SZT2: variants seen among roughly 807,000 people sequenced by gnomAD.
SZT2 encodes SZT2 subunit of KICSTOR complex, also known as KICSTOR complex protein SZT2.
In SZT2, 216 loss-of-function variants were observed where a neutral mutation model predicts 404.2. The ratio of observed to expected loss-of-function variants is 0.53; its 90% CI spans 0.48 to 0.60. The LOEUF is 0.60. Among genes scored for constraint, SZT2 ranks in the 20% least tolerant of loss-of-function variants. SZT2 has a pLI of 0.00. For synonymous variants in SZT2, 1,693 were observed against 1,749.9 expected, an observed-to-expected ratio of 0.97 and a Z score of 0.81; for missense variants, 3,857 against 4,459.2, an observed-to-expected ratio of 0.86 and a Z score of 3.85.
chr1:43,399,673 G>C (rs1649441789), intron 1 of SZT2, among the ~76,000 whole-genome samples: 1 of 151,988 alleles, frequency 6.6e-6, no homozygotes. Context: ...GTGTTAGCCA[G>C]GGTGGTCTCG....
rs770264092 is a variant in SZT2 at position 43,447,637 on chromosome 1, C to T, written c.9379C>T (p.Arg3127Ter). 9 of 1,614,192 alleles carry T rather than the reference C, an allele frequency of 5.6e-6. No individual in the cohort carries two copies. Among genetic ancestry groups the T allele is most frequent in the East Asian group, 2.2e-5 (1 of 44,874 alleles). The change falls in exon 67 of 72, where the codon CGA (arginine) becomes TGA (stop). Residue 3127 changes from arginine to a stop codon, truncating the protein, a stop_gained. Transcript: ENST00000634258. LOFTEE classifies it high-confidence loss of function. ...HASSYHMKPL[R>*]MARPGGPEHN... ...CAGCTCTTACCACATGAAGCCATTG[C>T]GAATGGCCCGGCCAGGGGGCCCAGA...
intron 10 of SZT2, 84 bp from the exon 11 acceptor site, chr1:43,421,090 C>A: frequency 6.3e-7 from 1 of 1,595,364 alleles, no homozygotes; most frequent in Non-Finnish European, 8.5e-7. Flanking sequence ...AGGCTTATAT[C>A]CAGGGTCCCA....
At position 43,425,905 on chromosome 1, in the gene SZT2, G is replaced by A; in HGVS notation, c.2885G>A (p.Ser962Asn). 6.2e-7 allele frequency: 1 copy of A among 1,614,174 alleles called. No individual in the cohort carries two copies. Among genetic ancestry groups the A allele is most frequent in the Non-Finnish European group, 8.5e-7 (1 of 1,180,024 alleles). The change falls in exon 20 of 72, where the codon AGC becomes AAC. Residue 962 changes from serine (S) to asparagine (N), a missense_variant. Coordinates refer to ENST00000634258, the MANE Select transcript of SZT2 (RefSeq NM_001365999.1). This position sits in a 1 kb window ranked among gnomAD's most constrained non-coding sequence, Gnocchi z 4.3. Reference protein sequence around the residue: ...SFEYLIQLCQSKEWGPLPPEP... With the variant: ...SFEYLIQLCQNKEWGPLPPEP... ...GAATACCTGATACAGCTGTGTCAGA[G>A]CAAGGAATGGGGTCCTCTGCCCCCA...
At position 43,445,989 on chromosome 1, in the gene SZT2, C is replaced by G; in HGVS notation, c.8916+5C>G. ...AAGACTGATGGGAGCCCCAAGGTAA[C>G]TTGTCATATAATGGTAAAGTTACTG... On this transcript the variant is annotated splice_donor_5th_base_variant and intron_variant, in intron 63 of 71. Transcript: ENST00000634258. The G allele has an allele frequency of 2.5e-6, 4 of 1,613,894 alleles. No homozygotes were observed. Among genetic ancestry groups the G allele is most frequent in the Non-Finnish European group, 3.4e-6 (4 of 1,179,842 alleles).
chr1:43,438,938 C>A lies in SZT2; in HGVS notation c.6637C>A (p.Pro2213Thr). The A allele has an allele frequency of 6.2e-7, 1 of 1,614,192 alleles. No individual in the cohort carries two copies. Among genetic ancestry groups the A allele is most frequent in the Non-Finnish European group, 8.5e-7 (1 of 1,180,034 alleles). The change falls in exon 48 of 72, where the codon CCC (proline) becomes ACC (threonine). Residue 2213 changes from proline (P) to threonine (T), a missense_variant. Coordinates refer to ENST00000634258, the MANE Select transcript of SZT2 (RefSeq NM_001365999.1). ...LTPADVEFIQ[P>T]PGSLPSEVLH... ...TCTTCCCACTCTGCAGTTCATCCAG[C>A]CCCCTGGAAGTCTCCCCTCAGAGGT...
intron 1 of SZT2, 135 bp downstream of exon 1, chr1:43,390,130 G>T: frequency 2.8e-6 from 3 of 1,075,938 alleles, no homozygotes; most frequent in East Asian, 6.5e-5. Flanking sequence ...GCCCAGCCCG[G>T]AAGGCCCGAC....
chr1:43,453,977 A>G lies in SZT2; in HGVS notation c.*3497A>G, dbSNP rs1009236200. On this transcript the variant is annotated 3_prime_UTR_variant, in exon 72 of 72. Coordinates refer to ENST00000634258, the MANE Select transcript of SZT2 (RefSeq NM_001365999.1). ...TCACGAAAAGCGCCTACGGTTAGCG[A>G]GAGAGGGATCACGGGGAGAGGCGAA... The G allele has an allele frequency of 1.7e-6, 2 of 1,189,770 alleles. No individual in the cohort carries two copies. Among genetic ancestry groups the G allele is most frequent in the Non-Finnish European group, 2.1e-6 (2 of 961,218 alleles). 73.7% of individuals were successfully genotyped at this position (1,189,770 alleles called of 1,614,324 possible).
At chr1:43,444,389 G>A (rs145081294) in intron 62 of SZT2, among the ~76,000 whole-genome samples, 8 of 152,172 alleles carry the variant, frequency 5.3e-5, no homozygotes, top group Non-Finnish European at 1.0e-4. Context: ...GAGCCATCAC[G>A]CCCGGCCTGC....
chr1:43,423,394 GGT>G lies in SZT2; in HGVS notation c.2255+82_2255+83del, dbSNP rs927893857. On this transcript the variant is annotated intron_variant, in intron 15 of 71. Coordinates refer to ENST00000634258, the MANE Select transcript of SZT2 (RefSeq NM_001365999.1). Reference sequence around the variant, plus strand: ...AGGTGTGGAGGGCATGGCTTAGCCCGGTGTGAGTAGTATAGAGGTGTGGAGTG... The same window carrying G: ...AGGTGTGGAGGGCATGGCTTAGCCCGGTGAGTAGTATAGAGGTGTGGAGTG... The G allele has an allele frequency of 5.1e-6, 7 of 1,365,860 alleles. No individual in the cohort carries two copies. The African/African-American group carries it at 1.0e-4, about 20-fold the overall frequency. The allele number at this position is 1,365,860 out of a possible 1,614,324, so 84.6% of individuals were successfully genotyped here.
At position 43,390,442 on chromosome 1, in the gene SZT2, A is replaced by G. The variant is rs1011820164; in HGVS notation, c.27+447A>G. 3.5e-4 allele frequency among the ~76,000 whole-genome samples: 54 copies of G among 152,214 alleles called. 1 individual carries two copies. The highest frequency in any genetic ancestry group is 1.3e-3 in the African/African-American group (54 of 41,448). ...GAAAAGCAGCTTTAATTTCATGAAA[A>G]AAACATTTGAGTCGGACTGAGACCT... is the stretch of plus-strand genomic sequence containing the variant. On this transcript the variant is annotated intron_variant, in intron 1 of 71. Transcript: ENST00000634258.
chr1:43,417,195 C>T (rs538720018), intron 7 of SZT2, among the ~76,000 whole-genome samples: 10 of 152,282 alleles, frequency 6.6e-5, no homozygotes, highest in Admixed American at 5.9e-4. Flanking sequence ...AAAGGTCACT[C>T]TTGCTGCTGG....
Position 43,425,956 on chromosome 1 carries a change from G to A in SZT2, c.2929+7G>A, listed in dbSNP as rs1570647571. 2 of 1,613,700 alleles carry A rather than the reference G, an allele frequency of 1.2e-6. No homozygotes were observed. Among genetic ancestry groups the A allele is most frequent in the Non-Finnish European group, 1.7e-6 (2 of 1,179,622 alleles). ...GAGCCGAGGGTCTCTGATGGTGAGT[G>A]GGGCAGGCGGCCCACTGGTGGAGCA... On this transcript the variant is annotated splice_region_variant and intron_variant, in intron 20 of 71. Transcript: ENST00000634258. This position sits in a 1 kb window ranked among gnomAD's most constrained non-coding sequence, Gnocchi z 4.3.
intron 1 of SZT2, among the ~76,000 whole-genome samples, chr1:43,393,646 A>G (rs1648664282): frequency 2.0e-5 from 3 of 152,332 alleles, no homozygotes; most frequent in Admixed American, 2.0e-4. Context: ...TGTTAACAAA[A>G]GACAGCACAA....
At chr1:43,406,503 G>A (rs181488842) in intron 4 of SZT2, 1 of 161,134 alleles carries the variant, frequency 6.2e-6, no homozygotes, top group South Asian at 1.4e-4. Context: ...CAAATACATG[G>A]TACTATGAAC....
Position 43,447,837 on chromosome 1 carries a change from C to T in SZT2, c.9441-12C>T, listed in dbSNP as rs115595942. On this transcript the variant is annotated splice_polypyrimidine_tract_variant and intron_variant, in intron 67 of 71. Transcript: ENST00000634258. ...CCCCAGAGTTGACATCTCCCCAACC[C>T]GTCCTGCACAGTTCTGGCTCCTACC... 5,607 of 1,613,892 alleles carry T rather than the reference C, an allele frequency of 3.5e-3. 146 individuals are homozygous for T. The African/African-American group carries it at 0.062, about 18-fold the overall frequency.
At chr1:43,445,850 C>T (rs1240159000) in intron 62 of SZT2, 44 bp from the exon 63 acceptor site, 1 of 1,573,584 alleles carries the variant, frequency 6.4e-7, no homozygotes, top group Admixed American at 1.7e-5. Context: ...TGACTGCATG[C>T]CACTAGCCTG....
rs890952000 is a variant in SZT2, at chr1:43,427,460, T to C, written c.3598+15T>C. 2.5e-6 allele frequency: 4 copies of C among 1,611,580 alleles called. No individual in the cohort carries two copies. The highest frequency in any genetic ancestry group is 2.2e-5 in the East Asian group (1 of 44,830). On this transcript the variant is annotated intron_variant, in intron 25 of 71. Coordinates refer to ENST00000634258, the MANE Select transcript of SZT2 (RefSeq NM_001365999.1). Reference sequence around the variant, plus strand: ...CCTGGCTAGTGGTAAGGCTGCCGACTCAAGGTGGGCAGGAGTGGGAGTGGG... The same window carrying C: ...CCTGGCTAGTGGTAAGGCTGCCGACCCAAGGTGGGCAGGAGTGGGAGTGGG...
chr1:43,411,043 T>A (rs963211140), intron 4 of SZT2, among the ~76,000 whole-genome samples: 6 of 152,084 alleles, frequency 3.9e-5, no homozygotes, highest in African/African-American at 1.2e-4. Context: ...GCTGAATTGG[T>A]GACTGTAAAG....
In SZT2 at chr1:43,437,032, A is replaced by T; in HGVS notation, c.6035-139A>T. 8.5e-7 allele frequency: 1 copy of T among 1,178,968 alleles called. No homozygotes were observed. Among genetic ancestry groups the T allele is most frequent in the Non-Finnish European group, 1.2e-6 (1 of 831,636 alleles). The allele number at this position is 1,178,968 out of a possible 1,614,324, so 73.0% of individuals were successfully genotyped here. A position where few individuals can be genotyped will look rare whatever the true frequency, so the allele number is the denominator to read the frequency against. ...TCTGCCTGGCCCTGTCGTGTTACCC[A>T]GAATGATCATCATTTCTCTGCAATA... On this transcript the variant is annotated intron_variant, in intron 42 of 71. Transcript: ENST00000634258. This position sits in a 1 kb window ranked among gnomAD's most constrained non-coding sequence, Gnocchi z 5.3.
Sources: gnomAD v4.1 joint callset for allele counts (sites outside exome capture counted in the v4.1 genomes callset) on GRCh38, gnomAD v4.1.1 for gene constraint, Gnocchi (gnomAD v3.1) non-coding constraint, MANE v1.5 for transcripts, NCBI Gene and HGNC (gene_info 2026-07-23, HGNC 2026-07-21) for gene names.